Variants in WDFY4 observed in about 807,000 individuals in gnomAD.
The protein encoded by WDFY4 is WD repeat- and FYVE domain-containing protein 4.
A neutral mutation model predicts 351.9 loss-of-function variants in WDFY4; 169 were observed. That is an observed-to-expected ratio of 0.48 (90% CI 0.42 to 0.55). The LOEUF (loss-of-function observed/expected upper bound fraction) is 0.55, where lower values mean the gene tolerates loss of function less well. WDFY4 is among the 20% of genes least tolerant of loss of function. The probability of loss-of-function intolerance (pLI) is 0.00; values close to 1 mark genes in which losing one functional copy is unlikely to be tolerated. For synonymous variants in WDFY4, 1,622 were observed against 1,574.6 expected (o/e 1.03, Z -0.71); for missense variants, 3,803 against 3,935.6 (o/e 0.97, Z 0.90).
chr10:48,705,427 C>G (rs1173326754), intron 1 of WDFY4, among the ~76,000 whole-genome samples: 1 of 152,134 alleles, frequency 6.6e-6, no homozygotes, highest in Non-Finnish European at 1.5e-5. Flanking sequence ...CCGATGGGTC[C>G]CTTTTCACCC....
At chr10:48,709,579 T>C (rs2063715924) in intron 1 of WDFY4, 137 bp from the exon 2 acceptor site, 1 of 711,198 alleles carries the variant, frequency 1.4e-6, no homozygotes, top group Non-Finnish European at 2.3e-6. Flanking sequence ...GGCTTCCTTA[T>C]TTTAGTCTGT....
At chr10:48,866,573 C>A (rs765521456) in intron 39 of WDFY4, among the ~76,000 whole-genome samples, 1 of 152,168 alleles carries the variant, frequency 6.6e-6, no homozygotes, top group African/African-American at 2.4e-5. Flanking sequence ...GCATAAATGT[C>A]GGGCACACCT....
chr10:48,729,308 C>A, intron 7 of WDFY4, 124 bp from the exon 8 acceptor site: 1 of 1,390,950 alleles, frequency 7.2e-7, no homozygotes, highest in Non-Finnish European at 9.6e-7. Context: ...GCCTCAGGTG[C>A]AGACCTGTGG....
At chr10:48,906,033 G>T (rs1020014109) in intron 47 of WDFY4, among the ~76,000 whole-genome samples, 1 of 152,196 alleles carries the variant, frequency 6.6e-6, no homozygotes, top group Non-Finnish European at 1.5e-5. Context: ...GGAGGGCTTG[G>T]CTGGCCACTG....
chr10:48,821,105 A>G lies in WDFY4; in HGVS notation c.5753A>G (p.Gln1918Arg). The G allele has an allele frequency of 1.3e-6, 2 of 1,551,754 alleles. No individual in the cohort carries two copies. The highest frequency in any genetic ancestry group is 1.2e-5 in the South Asian group (1 of 84,064). ...ACCAGCCAACAGAAGCGAGACTTCC[A>G]GTCCGAGGTCCTGCTTTCTGCTATG... Reference protein sequence around the residue: ...HATSQQKRDFQSEVLLSAMEL... With the variant: ...HATSQQKRDFRSEVLLSAMEL... The change falls in exon 34 of 62, where the codon CAG (glutamine) becomes CGG (arginine). Residue 1918 changes from glutamine (Q) to arginine (R), a missense_variant. Physicochemically the swap from Gln to Arg is conservative, Grantham distance 43. Around this residue, in one of 3 missense-constraint regions of WDFY4, gnomAD observed 3,054 missense variants for 3,148.6 expected, o/e 0.97. Coordinates refer to ENST00000325239, the MANE Select transcript of WDFY4 (RefSeq NM_001394531.1).
intron 12 of WDFY4, among the ~76,000 whole-genome samples, chr10:48,746,416 G>C (rs2065016794): frequency 6.6e-6 from 1 of 151,658 alleles, no homozygotes; most frequent in African/African-American, 2.4e-5. Flanking sequence ...TTCATCCTTT[G>C]GTTTTAACCT....
At chr10:48,929,110 G>C (rs1166203702) in intron 47 of WDFY4, among the ~76,000 whole-genome samples, 1 of 152,182 alleles carries the variant, frequency 6.6e-6, no homozygotes, top group Non-Finnish European at 1.5e-5. Context: ...TTGAGAAGAT[G>C]ATACCTGAGC....
chr10:48,941,900 G>A (rs1279822943), intron 48 of WDFY4, 52 bp downstream of exon 48: 27 of 1,526,576 alleles, frequency 1.8e-5, no homozygotes, highest in Admixed American at 7.9e-5. Flanking sequence ...ACCAGAGAAT[G>A]GCTCAGGCCC....
At chr10:48,689,158 C>T (rs114857450) in intron 1 of WDFY4, among the ~76,000 whole-genome samples, 304 of 152,196 alleles carry the variant, frequency 2.0e-3, no homozygotes, top group African/African-American at 7.0e-3. Flanking sequence ...CCTAAAGCCA[C>T]ACCTTAGAGC....
At chr10:48,773,995 C>G (rs2065948468) in intron 13 of WDFY4, among the ~76,000 whole-genome samples, 1 of 152,086 alleles carries the variant, frequency 6.6e-6, no homozygotes, top group South Asian at 2.1e-4. Context: ...CAGCACCAGC[C>G]ACCTTCCCCC....
chr10:48,962,423 A>T (rs1233855559), intron 53 of WDFY4, among the ~76,000 whole-genome samples: 13 of 152,268 alleles, frequency 8.5e-5, no homozygotes, highest in Admixed American at 7.2e-4. Flanking sequence ...ATCCCAAATG[A>T]ACATTTTGAG....
In WDFY4 at chr10:48,943,336, G is replaced by C. The variant is rs1840879241; in HGVS notation, c.7636G>C (p.Asp2546His). The C allele has an allele frequency of 3.9e-6, 6 of 1,551,506 alleles. No individual in the cohort carries two copies. Among genetic ancestry groups the C allele is most frequent in the Admixed American group, 3.9e-5 (2 of 50,972 alleles). The part of the protein sequence containing the change: ...RIMLQKWQKR[D>H]ISNFEYLMYL... ...TTTCTGTCTCTTCTGGTAGAAAAGGGACATCAGCAATTTTGAGTATCTCAT... is the reference window on the plus strand; with the variant it reads ...TTTCTGTCTCTTCTGGTAGAAAAGGCACATCAGCAATTTTGAGTATCTCAT... Residue 2546 changes from aspartate to histidine, a missense_variant, in exon 49 of 62, where the codon GAC becomes CAC. Coordinates refer to ENST00000325239, the MANE Select transcript of WDFY4 (RefSeq NM_001394531.1).
In WDFY4 at chr10:48,723,510, T is replaced by C. The variant is rs2064160917; in HGVS notation, c.534T>C (p.Pro178=). 1 of 1,551,714 alleles carries C rather than the reference T, an allele frequency of 6.4e-7. No homozygotes were observed. The highest frequency in any genetic ancestry group is 8.7e-7 in the Non-Finnish European group (1 of 1,147,032). The change falls in exon 5 of 62, where the codon CCT becomes CCC. Residue 178 remains proline (P), a synonymous_variant. Coordinates refer to ENST00000325239, the MANE Select transcript of WDFY4 (RefSeq NM_001394531.1). ...LQCLYLFFVF[P]LDKDELLESD... Reference sequence around the variant, plus strand: ...GCCTTTACCTCTTCTTTGTCTTTCCTCTGGACAAAGATGAGCTTCTTGAGA... The same window carrying C: ...GCCTTTACCTCTTCTTTGTCTTTCCCCTGGACAAAGATGAGCTTCTTGAGA...
chr10:48,928,621 G>C (rs114490633), intron 47 of WDFY4, among the ~76,000 whole-genome samples: 11 of 152,126 alleles, frequency 7.2e-5, no homozygotes, highest in Admixed American at 2.6e-4. Flanking sequence ...AGGCCCCCTC[G>C]TATCATGCTG....
intron 47 of WDFY4, among the ~76,000 whole-genome samples, chr10:48,930,140 A>G (rs557831591): frequency 8.5e-5 from 13 of 152,254 alleles, no homozygotes; most frequent in Admixed American, 7.2e-4. Context: ...AAGCGCTTAC[A>G]AGGTCAATCC....
At chr10:48,815,578 C>T (rs2067592098) in intron 31 of WDFY4, among the ~76,000 whole-genome samples, 1 of 152,150 alleles carries the variant, frequency 6.6e-6, no homozygotes, top group Non-Finnish European at 1.5e-5. Context: ...CCCACCTCAG[C>T]CACCCGAGTA....
chr10:48,800,053 T>C (rs993621990), intron 24 of WDFY4, among the ~76,000 whole-genome samples: 2 of 152,088 alleles, frequency 1.3e-5, no homozygotes, highest in Admixed American at 1.3e-4. Context: ...GCCCAGCTAA[T>C]TTTTGTATTT....
chr10:48,702,962 A>G (rs1391903084), intron 1 of WDFY4, among the ~76,000 whole-genome samples: 2 of 152,092 alleles, frequency 1.3e-5, no homozygotes. Flanking sequence ...CATTTTCCTA[A>G]TGATGATGCT....
At chr10:48,812,190 GT>G (rs199764757) in intron 30 of WDFY4, among the ~76,000 whole-genome samples, 1 of 137,532 alleles carries the variant, frequency 7.3e-6, no homozygotes, top group South Asian at 2.2e-4. Context: ...TTTTTTTTTT[GT>G]TTTTTTTGTT....
Sources: allele counts gnomAD v4.1 joint callset (sites outside exome capture counted in the v4.1 genomes callset), GRCh38; gene constraint gnomAD v4.1.1; regional missense constraint gnomAD v4.1.1; transcripts MANE v1.5; gene names NCBI Gene and HGNC (gene_info 2026-07-23, HGNC 2026-07-21).